GLT8D2: variants seen among roughly 807,000 people sequenced by gnomAD.
GLT8D2 encodes glycosyltransferase 8 domain containing 2.
GLT8D2 carries 45 observed loss-of-function variants against 44.5 expected under a neutral mutation model. The observed-to-expected ratio is 1.01, with a 90% CI of 0.80 to 1.30. The LOEUF is 1.30. Among genes scored for constraint, GLT8D2 ranks in the 50% most tolerant of loss-of-function variants. GLT8D2 has a pLI of 0.00. For missense variants in GLT8D2, 400 were observed against 430.4 expected (o/e 0.93, Z 0.62); for synonymous variants, 156 against 157.2 (o/e 0.99, Z 0.06).
intron 4 of GLT8D2, among the ~76,000 whole-genome samples, chr12:104,011,201 C>A (rs1427419610): frequency 6.6e-6 from 1 of 152,248 alleles, no homozygotes; most frequent in African/African-American, 2.4e-5. Context: ...TTCATCAATG[C>A]TCCATCCTTG....
intron 3 of GLT8D2, among the ~76,000 whole-genome samples, chr12:104,019,325 T>C (rs1877324832): frequency 6.6e-6 from 1 of 151,864 alleles, no homozygotes; most frequent in Non-Finnish European, 1.5e-5. Flanking sequence ...ATGGGGTCTC[T>C]CCATGTTACC....
intron 4 of GLT8D2, among the ~76,000 whole-genome samples, chr12:104,009,158 C>T (rs533712001): frequency 3.3e-5 from 5 of 152,260 alleles, no homozygotes; most frequent in Admixed American, 1.3e-4. Flanking sequence ...CAGCTTGCAC[C>T]GTTGCTGGAA....
chr12:104,008,833 C>T (rs58937971), intron 4 of GLT8D2, among the ~76,000 whole-genome samples: 5,784 of 152,338 alleles, frequency 0.038, 194 homozygotes, highest in South Asian at 0.1. Flanking sequence ...ATAGGGCTTG[C>T]GCCATGGCTT....
At chr12:104,013,827 G>A (rs983421775) in intron 4 of GLT8D2, among the ~76,000 whole-genome samples, 5 of 152,152 alleles carry the variant, frequency 3.3e-5, no homozygotes, top group African/African-American at 1.2e-4. Context: ...CTGCTGCTTA[G>A]ACCTCCTAGG....
intron 8 of GLT8D2, among the ~76,000 whole-genome samples, chr12:103,996,529 A>G (rs1873443558): frequency 6.6e-6 from 1 of 152,234 alleles, no homozygotes; most frequent in Non-Finnish European, 1.5e-5. Context: ...TTGCAGGGCT[A>G]AAGAAAGTTG....
At chr12:104,028,658 T>C (rs1404991952) in intron 1 of GLT8D2, among the ~76,000 whole-genome samples, 3 of 152,146 alleles carry the variant, frequency 2.0e-5, no homozygotes, top group Non-Finnish European at 2.9e-5. Context: ...AACATGTTAA[T>C]AAGTAATTCA....
intron 4 of GLT8D2, among the ~76,000 whole-genome samples, chr12:104,007,899 G>A (rs1486280908): frequency 1.3e-5 from 2 of 152,182 alleles, no homozygotes; most frequent in Admixed American, 6.5e-5. Context: ...AGGGGTTTCT[G>A]CTTTTGCATC....
At chr12:104,021,912 GAAGAAGAAGAAGAAGAAGAAGAAGAA>G (rs1593550265) in intron 1 of GLT8D2, among the ~76,000 whole-genome samples, 1 of 16,332 alleles carries the variant, frequency 6.1e-5, no homozygotes, top group Non-Finnish European at 1.2e-4. Context: ...AGAAGAAGAA[GAAGAAGAAGAAGAAGAAGAAGAAGAA>G]GAAGAAGAAG....
chr12:104,021,942 GAAGAAGAAGAAGA>G (rs1877819497), intron 1 of GLT8D2, among the ~76,000 whole-genome samples: 1 of 26,028 alleles, frequency 3.8e-5, no homozygotes, highest in Non-Finnish European at 7.6e-5. Flanking sequence ...AGAAGAAGAA[GAAGAAGAAGAAGA>G]GGAAGAAGAG....
intron 10 of GLT8D2, among the ~76,000 whole-genome samples, chr12:103,992,686 T>C (rs1872907450): frequency 6.6e-6 from 1 of 151,986 alleles, no homozygotes; most frequent in African/African-American, 2.4e-5. Context: ...AGAGACGGGT[T>C]TCACCACGTT....
At chr12:104,025,104 G>A (rs1376871684) in intron 1 of GLT8D2, among the ~76,000 whole-genome samples, 1 of 148,792 alleles carries the variant, frequency 6.7e-6, no homozygotes, top group Non-Finnish European at 1.5e-5. Flanking sequence ...TGTGTTACGC[G>A]ATTTGCAAAT....
At chr12:104,030,404 ATAAT>A (rs1270140207) in intron 1 of GLT8D2, among the ~76,000 whole-genome samples, 1 of 151,998 alleles carries the variant, frequency 6.6e-6, no homozygotes, top group Non-Finnish European at 1.5e-5. Context: ...TAATAATAAC[ATAAT>A]TAAATGTGTA....
At chr12:104,025,447 G>A (rs1348842026) in intron 1 of GLT8D2, among the ~76,000 whole-genome samples, 1 of 152,014 alleles carries the variant, frequency 6.6e-6, no homozygotes, top group East Asian at 1.9e-4. Flanking sequence ...GAGCTCAAGT[G>A]ATCTGCCTGC....
chr12:104,053,946 A>G (rs1881949694), upstream of GLT8D2, among the ~76,000 whole-genome samples: 1 of 152,152 alleles, frequency 6.6e-6, no homozygotes, highest in Non-Finnish European at 1.5e-5. Flanking sequence ...TTATTGAATA[A>G]TATATAATTG....
At chr12:104,055,980 C>T (rs1882155200) in intron 1 of GLT8D2, among the ~76,000 whole-genome samples, 1 of 152,222 alleles carries the variant, frequency 6.6e-6, no homozygotes, top group Admixed American at 6.5e-5. Flanking sequence ...AGCTTCGGTG[C>T]TCTTGCTTTC....
At chr12:104,010,258 C>T (rs988195673) in intron 4 of GLT8D2, among the ~76,000 whole-genome samples, 2 of 152,168 alleles carry the variant, frequency 1.3e-5, no homozygotes, top group African/African-American at 4.8e-5. Flanking sequence ...GCCTCACCTC[C>T]TTCTATTTTA....
chr12:104,048,006 C>T (rs547090890), intron 1 of GLT8D2, among the ~76,000 whole-genome samples: 2 of 152,340 alleles, frequency 1.3e-5, no homozygotes, highest in African/African-American at 4.8e-5. Context: ...ACAGTTGCAA[C>T]AGAAACCATA....
At chr12:104,034,346 C>T (rs988023367) in intron 1 of GLT8D2, among the ~76,000 whole-genome samples, 6 of 152,232 alleles carry the variant, frequency 3.9e-5, no homozygotes, top group Admixed American at 3.9e-4. Context: ...CATTGCCTCA[C>T]CTGAGAAGCC....
At chr12:104,064,434 G>A, upstream of GLT8D2, 5 of 990,154 alleles carry the variant, frequency 5.0e-6, no homozygotes, top group Non-Finnish European at 5.5e-6. This position sits in a 1 kb window ranked among gnomAD's most constrained non-coding sequence, Gnocchi z 7.3. Context: ...CGGGCCTCCA[G>A]CCTGGCCGCC....
Sources: gnomAD v4.1 joint callset for allele counts (sites outside exome capture counted in the v4.1 genomes callset) on GRCh38, gnomAD v4.1.1 for gene constraint, Gnocchi (gnomAD v3.1) non-coding constraint, MANE v1.5 for transcripts, NCBI Gene and HGNC (gene_info 2026-07-23, HGNC 2026-07-21) for gene names.